NOTCH2NLB: variants seen among roughly 807,000 people sequenced by gnomAD.
The protein encoded by NOTCH2NLB is notch 2 N-terminal like B.
NOTCH2NLB carries 1 observed loss-of-function variant against 14.8 expected under a neutral mutation model. That is an observed-to-expected ratio of 0.07 (90% CI 0.02 to 0.32). NOTCH2NLB has a LOEUF of 0.32. Among genes scored for constraint, NOTCH2NLB ranks in the 10% least tolerant of loss-of-function variants. The pLI, the probability that NOTCH2NLB is intolerant of heterozygous loss-of-function variation, is 1.00. For synonymous variants in NOTCH2NLB, 6 were observed against 57.5 expected (o/e 0.10, Z 4.05); for missense variants, 11 against 155.0 (o/e 0.07, Z 4.93).
intron 1 of NOTCH2NLB, among the ~76,000 whole-genome samples, chr1:148,673,919 A>G (rs1375164527): frequency 2.0e-5 from 2 of 101,446 alleles, no homozygotes; most frequent in Non-Finnish European, 4.5e-5. Flanking sequence ...GACATTCCAG[A>G]TGCACTGAAT....
intron 2 of NOTCH2NLB, among the ~76,000 whole-genome samples, chr1:148,634,354 C>G (rs1664176039): frequency 6.7e-6 from 1 of 148,802 alleles, no homozygotes; most frequent in Non-Finnish European, 1.5e-5. Context: ...ATATTTTTCC[C>G]TGTCTATTTC....
At chr1:148,654,625 T>A (rs2149626371) in intron 1 of NOTCH2NLB, among the ~76,000 whole-genome samples, 1 of 68,686 alleles carries the variant, frequency 1.5e-5, no homozygotes, top group Admixed American at 1.5e-4. Context: ...TTATTCCATG[T>A]CCATACCACT....
intron 3 of NOTCH2NLB, among the ~76,000 whole-genome samples, chr1:148,610,020 G>C (rs1663635332): frequency 7.0e-6 from 1 of 143,730 alleles, no homozygotes. Flanking sequence ...GGAAGTGGTG[G>C]CTGATGCCTG....
At chr1:148,634,273 C>T (rs1265555338) in intron 2 of NOTCH2NLB, among the ~76,000 whole-genome samples, 3 of 149,552 alleles carry the variant, frequency 2.0e-5, no homozygotes, top group Non-Finnish European at 4.5e-5. Context: ...TAAATAGGCA[C>T]CGTACTTGAA....
At chr1:148,610,389 A>AAGAGAAAGAAAGAAAGGG (rs1663663970) in intron 3 of NOTCH2NLB, among the ~76,000 whole-genome samples, 2 of 127,476 alleles carry the variant, frequency 1.6e-5, no homozygotes, top group African/African-American at 6.7e-5. Context: ...GAAAGAAAGA[A>AAGAGAAAGAAAGAAAGGG]AGAAAGGGAG....
At chr1:148,682,470 A>C (rs1371516735), upstream of NOTCH2NLB, among the ~76,000 whole-genome samples, 1 of 2,960 alleles carries the variant, frequency 3.4e-4, no homozygotes, top group Non-Finnish European at 5.1e-4. Context: ...AATCCCAGCT[A>C]CTCAGGAGAC....
intron 3 of NOTCH2NLB, among the ~76,000 whole-genome samples, chr1:148,609,132 C>T (rs1358064693): frequency 7.1e-6 from 1 of 140,942 alleles, no homozygotes; most frequent in Non-Finnish European, 1.5e-5. Context: ...TTCTAGGGTA[C>T]ATGTGCACAA....
intron 3 of NOTCH2NLB, among the ~76,000 whole-genome samples, chr1:148,608,579 G>A (rs1354694506): frequency 2.6e-5 from 4 of 151,710 alleles, no homozygotes; most frequent in Non-Finnish European, 4.4e-5. Context: ...GCAGGGTTGG[G>A]TCTCCGTGGT....
At chr1:148,610,393 AAGGG>A in intron 3 of NOTCH2NLB, among the ~76,000 whole-genome samples, 3 of 128,016 alleles carry the variant, frequency 2.3e-5, no homozygotes, top group Middle Eastern at 3.8e-3. Flanking sequence ...GAAAGAAAGA[AAGGG>A]AGAAAGAAAG....
intron 1 of NOTCH2NLB, among the ~76,000 whole-genome samples, chr1:148,660,982 GT>G (rs1382166544): frequency 6.9e-6 from 1 of 143,886 alleles, no homozygotes; most frequent in Non-Finnish European, 1.5e-5. Flanking sequence ...TTAAAAAGAA[GT>G]TTGGGAACAA....
At chr1:148,674,434 T>C (rs1664809886) in intron 1 of NOTCH2NLB, among the ~76,000 whole-genome samples, 1 of 29,730 alleles carries the variant, frequency 3.4e-5, no homozygotes, top group Admixed American at 3.0e-4. Context: ...AATTTTAAAG[T>C]TCCCGCCAAT....
chr1:148,638,259 T>C lies in NOTCH2NLB; in HGVS notation c.77+1757A>G, dbSNP rs1664260514. ...ATGACGGTATCTACTTAGCACCTTT[T>C]AGTTTAAGAAACACATTGCTGAACA... On this transcript the variant is annotated intron_variant, in intron 2 of 4. Coordinates refer to ENST00000593495, the Ensembl canonical transcript of NOTCH2NLB. 2.0e-5 allele frequency among the ~76,000 whole-genome samples: 3 copies of C among 149,164 alleles called. 1 individual carries two copies. Among genetic ancestry groups the C allele is most frequent in the Non-Finnish European group, 4.5e-5 (3 of 67,288 alleles).
intron 1 of NOTCH2NLB, among the ~76,000 whole-genome samples, chr1:148,670,557 T>C (rs1341797073): frequency 2.9e-5 from 4 of 135,744 alleles, no homozygotes; most frequent in East Asian, 2.3e-4. Flanking sequence ...TATATACATA[T>C]ATATATATAT....
chr1:148,637,890 G>C (rs1275201701), intron 2 of NOTCH2NLB, among the ~76,000 whole-genome samples: 6 of 148,446 alleles, frequency 4.0e-5, no homozygotes, highest in Admixed American at 2.0e-4. Flanking sequence ...ATGGCTTCCA[G>C]TTTCATCCAT....
chr1:148,674,751 A>C (rs2149634500), intron 1 of NOTCH2NLB, among the ~76,000 whole-genome samples: 1 of 108,026 alleles, frequency 9.3e-6, no homozygotes, highest in African/African-American at 3.2e-5. Flanking sequence ...CAAGGATCAA[A>C]ATCATGTGGC....
intron 2 of NOTCH2NLB, among the ~76,000 whole-genome samples, chr1:148,624,098 G>A (rs1233884495): frequency 1.9e-5 from 1 of 53,206 alleles, no homozygotes; most frequent in Non-Finnish European, 3.1e-5. Context: ...GCAAATCCCT[G>A]TTCAACTGTG....
the NOTCH2NLB span, among the ~76,000 whole-genome samples, chr1:148,699,986 A>C: frequency 2.2e-5 from 2 of 91,000 alleles, no homozygotes; most frequent in Admixed American, 1.2e-4. Context: ...CCTGCTTATT[A>C]AGCCCAGTAT....
At chr1:148,612,792 CCT>C (rs1190132201) in intron 3 of NOTCH2NLB, among the ~76,000 whole-genome samples, 4 of 36,326 alleles carry the variant, frequency 1.1e-4, no homozygotes, top group Non-Finnish European at 2.3e-4. Flanking sequence ...ATTACCATGC[CCT>C]GTGATTAAGG....
intron 1 of NOTCH2NLB, among the ~76,000 whole-genome samples, chr1:148,655,976 C>T (rs1664533627): frequency 7.8e-6 from 1 of 128,512 alleles, no homozygotes. Context: ...TGTGTGTATC[C>T]CAGAAGCACG....
Sources: allele counts gnomAD v4.1 joint callset (sites outside exome capture counted in the v4.1 genomes callset), GRCh38; gene constraint gnomAD v4.1.1; transcripts MANE v1.5; gene names NCBI Gene and HGNC (gene_info 2026-07-23, HGNC 2026-07-21).